Variants in EXOSC10 observed in about 807,000 individuals in gnomAD.
EXOSC10 encodes the protein exosome complex component 10.
In EXOSC10, 94 loss-of-function variants were observed where a neutral mutation model predicts 126.6. That is an observed-to-expected ratio of 0.74 (90% confidence interval 0.63 to 0.88). EXOSC10 has a LOEUF of 0.88. Ranked by LOEUF, EXOSC10 falls within the 40% of genes least tolerant of loss-of-function variation. The probability of loss-of-function intolerance (pLI) is 0.00; values close to 1 mark genes in which losing one functional copy is unlikely to be tolerated. For missense variants in EXOSC10, 1,041 were observed against 1,100.5 expected, an observed-to-expected ratio of 0.95 and a Z score of 0.77; for synonymous variants, 395 against 400.8, an observed-to-expected ratio of 0.99 and a Z score of 0.17.
At chr1:11,073,885 A>AT in intron 19 of EXOSC10, 49 bp downstream of exon 19, 1 of 1,204,846 alleles carries the variant, frequency 8.3e-7, no homozygotes, top group Non-Finnish European at 1.1e-6. Context: ...CTCAAAAAAA[A>AT]AAAAAAAAAA....
In EXOSC10 at chr1:11,087,834, A is replaced by G; in HGVS notation, c.911T>C (p.Leu304Pro). The G allele has an allele frequency of 6.2e-7, 1 of 1,613,754 alleles. No individual in the cohort carries two copies. The highest frequency in any genetic ancestry group is 8.5e-7 in the Non-Finnish European group (1 of 1,179,884). ...AACTGCAAATTCCTGACAATTCAAGAGCTTTTCGTTGAGTTCCACGAGTTC... is the reference window on the plus strand; with the variant it reads ...AACTGCAAATTCCTGACAATTCAAGGGCTTTTCGTTGAGTTCCACGAGTTC... The part of the protein sequence containing the change: ...LDELVELNEK[L>P]LNCQEFAVDL... The change falls in exon 8 of 25, where the codon CTC becomes CCC. Residue 304 changes from leucine (L) to proline (P), a missense_variant. Leu to Pro is a moderately conservative substitution (Grantham distance 98). This residue lies in a region of EXOSC10 where 645 missense variants were observed against 656.3 expected (regional missense o/e 0.98). Transcript: ENST00000376936.
At chr1:11,092,265 G>A (rs529032546) in intron 3 of EXOSC10, among the ~76,000 whole-genome samples, 3 of 152,076 alleles carry the variant, frequency 2.0e-5, no homozygotes, top group Admixed American at 2.0e-4. Flanking sequence ...TTGCCAGGCT[G>A]AAGTGTAATG....
At chr1:11,089,535 C>T (rs1369097821) in intron 6 of EXOSC10, among the ~76,000 whole-genome samples, 3 of 149,926 alleles carry the variant, frequency 2.0e-5, no homozygotes, top group Non-Finnish European at 3.0e-5. Flanking sequence ...GCAGGAGAAT[C>T]ATTTGAACTC....
chr1:11,072,184 C>CAA lies in EXOSC10; in HGVS notation c.2158-15_2158-14dup. ...AGCGGTTGCTGATCTATAATGAAAG[C>CAA]AAATATAACAAAAAAAACCCTCCAA... On this transcript the variant is annotated splice_polypyrimidine_tract_variant and intron_variant, in intron 19 of 24. Coordinates refer to ENST00000376936, the MANE Select transcript of EXOSC10 (RefSeq NM_001001998.3). 6.3e-7 allele frequency: 1 copy of CAA among 1,590,740 alleles called. No homozygotes were observed. Among genetic ancestry groups the CAA allele is most frequent in the Non-Finnish European group, 8.6e-7 (1 of 1,166,954 alleles).
At chr1:11,082,318 G>A (rs538468619) in intron 10 of EXOSC10, among the ~76,000 whole-genome samples, 1 of 151,380 alleles carries the variant, frequency 6.6e-6, no homozygotes, top group South Asian at 2.1e-4. Flanking sequence ...ACCTATGGAA[G>A]GTCATCTTGC....
At chr1:11,076,148 AGAGC>A (rs1002932813) in intron 17 of EXOSC10, among the ~76,000 whole-genome samples, 4 of 151,912 alleles carry the variant, frequency 2.6e-5, no homozygotes, top group Non-Finnish European at 2.9e-5. Context: ...CTGTGCAACA[AGAGC>A]GAAACTCCAT....
intron 17 of EXOSC10, among the ~76,000 whole-genome samples, chr1:11,075,467 C>T (rs1639757639): frequency 6.6e-6 from 1 of 152,170 alleles, no homozygotes; most frequent in Non-Finnish European, 1.5e-5. Flanking sequence ...GAGACCACAG[C>T]CTCCTTTACA....
rs543219524 is a variant in EXOSC10, at chr1:11,097,594, C to G, written c.248+426G>C. ...ACAAAAAATTAGCTGGGCGTGTTGA[C>G]GGGCACCTGTAGTCCCAGCTACTCA... On this transcript the variant is annotated intron_variant, in intron 2 of 24. Coordinates refer to ENST00000376936, the MANE Select transcript of EXOSC10 (RefSeq NM_001001998.3). Among the ~76,000 whole-genome samples, 63 of 146,436 alleles carry G rather than the reference C, an allele frequency of 4.3e-4. 1 individual carries two copies. Among genetic ancestry groups the G allele is most frequent in the Non-Finnish European group, 7.2e-4 (48 of 66,308 alleles).
Position 11,080,564 on chromosome 1 carries a change from A to C in EXOSC10, c.1587-15T>G, listed in dbSNP as rs1640096431. 5.8e-6 allele frequency: 7 copies of C among 1,202,938 alleles called. No individual in the cohort carries two copies. The highest frequency in any genetic ancestry group is 4.4e-5 in the African/African-American group (2 of 45,668). 74.5% of individuals were successfully genotyped at this position (1,202,938 alleles called of 1,614,324 possible). A position where few individuals can be genotyped will look rare whatever the true frequency, so the allele number is the denominator to read the frequency against. On this transcript the variant is annotated splice_polypyrimidine_tract_variant and intron_variant, in intron 12 of 24. Coordinates refer to ENST00000376936, the MANE Select transcript of EXOSC10 (RefSeq NM_001001998.3). ...GCAGTACATATCTGGAAAAAAAAAA[A>C]CACACACACACACACACACACACAC...
chr1:11,085,882 G>A (rs570953812), intron 9 of EXOSC10, among the ~76,000 whole-genome samples: 18 of 152,328 alleles, frequency 1.2e-4, no homozygotes, highest in South Asian at 1.0e-3. Context: ...AGATAATCAC[G>A]TGGTTTTTGT....
Position 11,079,870 on chromosome 1 carries a change from C to G in EXOSC10, c.1638-48G>C, listed in dbSNP as rs369773209. The G allele has an allele frequency of 5.2e-5, 74 of 1,428,570 alleles. 1 individual carries two copies. The highest frequency in any genetic ancestry group is 4.3e-4 in the East Asian group (18 of 41,512). 88.5% of individuals were successfully genotyped at this position (1,428,570 alleles called of 1,614,324 possible). A position where few individuals can be genotyped will look rare whatever the true frequency, so the allele number is the denominator to read the frequency against. ...TCAACTTGTCACTCAGAAACGCAGC[C>G]CTTAAAGGCTTCCAGATAAGAATAA... On this transcript the variant is annotated intron_variant, in intron 13 of 24. Transcript: ENST00000376936.
At chr1:11,078,936 AC>A (rs1639980597) in intron 14 of EXOSC10, among the ~76,000 whole-genome samples, 1 of 152,122 alleles carries the variant, frequency 6.6e-6, no homozygotes. Context: ...AGACACACAC[AC>A]TGGATTTCCT....
chr1:11,099,444 C>T (rs1347711236), intron 1 of EXOSC10, among the ~76,000 whole-genome samples: 1 of 152,206 alleles, frequency 6.6e-6, no homozygotes, highest in Non-Finnish European at 1.5e-5. Context: ...GGGCTAGGGA[C>T]GTCTGGGTGG....
At chr1:11,090,709 C>T in intron 5 of EXOSC10, 41 bp from the exon 6 acceptor site, 2 of 1,422,170 alleles carry the variant, frequency 1.4e-6, no homozygotes, top group Non-Finnish European at 1.9e-6. Flanking sequence ...TTAGCACATT[C>T]ATGTCTTTTC....
intron 1 of EXOSC10, 130 bp from the exon 2 acceptor site, chr1:11,098,286 A>C (rs969977303): frequency 6.3e-6 from 7 of 1,107,590 alleles, no homozygotes; most frequent in East Asian, 2.7e-5. Context: ...TTTAGTGCCA[A>C]ACCCCAATCT....
Position 11,069,870 on chromosome 1 carries a change from G to A in EXOSC10, c.2317-140C>T, listed in dbSNP as rs1463258329. 3 of 844,128 alleles carry A rather than the reference G, an allele frequency of 3.6e-6. No homozygotes were observed. The East Asian group carries it at 7.3e-5, about 21-fold the overall frequency. 52.3% of individuals were successfully genotyped at this position (844,128 alleles called of 1,614,324 possible). On this transcript the variant is annotated intron_variant, in intron 21 of 24. Transcript: ENST00000376936. ...AGTGGTGGGGAGAGGAGCTGTGGCTGGAACTTCGGGACCAACACTCAGGGT... is the reference window on the plus strand; with the variant it reads ...AGTGGTGGGGAGAGGAGCTGTGGCTAGAACTTCGGGACCAACACTCAGGGT...
At chr1:11,099,135 G>A (rs1000066567) in intron 1 of EXOSC10, among the ~76,000 whole-genome samples, 3 of 152,218 alleles carry the variant, frequency 2.0e-5, no homozygotes, top group Admixed American at 1.3e-4. Flanking sequence ...TAAGAGCTAT[G>A]CACACCTTAA....
At chr1:11,096,819 G>C (rs1320194830) in intron 2 of EXOSC10, among the ~76,000 whole-genome samples, 2 of 152,146 alleles carry the variant, frequency 1.3e-5, no homozygotes, top group East Asian at 3.8e-4. Flanking sequence ...TTGCACCCTA[G>C]CTGGGCGCAG....
intron 19 of EXOSC10, chr1:11,072,422 C>A: frequency 2.5e-6 from 1 of 403,184 alleles, no homozygotes; most frequent in African/African-American, 2.0e-5. Flanking sequence ...CCCTCTGTAA[C>A]CCTGGGAAAA....
Sources: gnomAD v4.1 joint callset for allele counts (sites outside exome capture counted in the v4.1 genomes callset) on GRCh38, gnomAD v4.1.1 for gene constraint, gnomAD v4.1.1 regional missense constraint, MANE v1.5 for transcripts, NCBI Gene and HGNC (gene_info 2026-07-23, HGNC 2026-07-21) for gene names.